The following FSTL5 variants were observed in gnomAD, a reference collection of about 807,000 sequenced individuals.
FSTL5 encodes follistatin like 5, also known as follistatin-related protein 5.
Under a neutral mutation model 89.1 loss-of-function variants are expected in FSTL5, and 62 were observed. The ratio of observed to expected loss-of-function variants is 0.70; its 90% CI spans 0.57 to 0.86. FSTL5 has a LOEUF of 0.86. Among genes scored for constraint, FSTL5 ranks in the 40% least tolerant of loss-of-function variants. The pLI is 0.00. For synonymous variants in FSTL5, 383 were observed against 346.2 expected, an observed-to-expected ratio of 1.11 and a Z score of -1.18; for missense variants, 1,057 against 1,001.6, an observed-to-expected ratio of 1.06 and a Z score of -0.75.
chr4:161,685,795 T>C (rs1161219743), intron 6 of FSTL5, among the ~76,000 whole-genome samples: 2 of 152,142 alleles, frequency 1.3e-5, no homozygotes, highest in Admixed American at 1.3e-4. Context: ...TCCAGTACTA[T>C]ATTGAAGAGG....
intron 6 of FSTL5, among the ~76,000 whole-genome samples, chr4:161,717,993 A>T (rs1381746850): frequency 6.6e-6 from 1 of 152,208 alleles, no homozygotes; most frequent in Non-Finnish European, 1.5e-5. Context: ...GGAGTCAAAA[A>T]GAAAAAGTTA....
intron 4 of FSTL5, among the ~76,000 whole-genome samples, chr4:161,779,625 C>T (rs190023288): frequency 2.8e-3 from 419 of 151,286 alleles, no homozygotes; most frequent in Non-Finnish European, 4.1e-3. Flanking sequence ...ACATATGTGC[C>T]ATATCTCCCT....
rs1579194483 is a variant in FSTL5 at position 161,920,563 on chromosome 4, G to C, written c.250C>G (p.Gln84Glu). 6.2e-7 allele frequency: 1 copy of C among 1,613,840 alleles called. No individual in the cohort carries two copies. Among genetic ancestry groups the C allele is most frequent in the Non-Finnish European group, 8.5e-7 (1 of 1,179,922 alleles). Residue 84 changes from glutamine to glutamate, a missense_variant, in exon 4 of 16, where the codon CAA becomes GAA. By Grantham distance (29) the Gln-to-Glu change is conservative. Transcript: ENST00000306100. ...AGGTCCATACAGGCACATTCTGCTT[G>C]CCCTGTCTCTCTGCTGGTAACACAG... is the stretch of plus-strand genomic sequence containing the variant. ...RHCVTSRETG[Q>E]AECACMDLCK...
chr4:161,532,448 C>T (rs1476058426), intron 10 of FSTL5, among the ~76,000 whole-genome samples: 1 of 152,144 alleles, frequency 6.6e-6, no homozygotes, highest in African/African-American at 2.4e-5. Context: ...TCAGTTACAA[C>T]AATTTGCTTT....
chr4:161,665,897 A>G (rs182010151), intron 6 of FSTL5, among the ~76,000 whole-genome samples: 5 of 152,150 alleles, frequency 3.3e-5, no homozygotes, highest in African/African-American at 1.2e-4. Flanking sequence ...GAAGAAGAAG[A>G]AAAAGCATTT....
intron 10 of FSTL5, among the ~76,000 whole-genome samples, chr4:161,522,291 T>G (rs958488397): frequency 1.3e-5 from 2 of 152,174 alleles, no homozygotes; most frequent in African/African-American, 4.8e-5. Flanking sequence ...TGTAGCCAAC[T>G]GTGGCTGTGG....
intron 7 of FSTL5, among the ~76,000 whole-genome samples, chr4:161,652,479 T>C (rs920216125): frequency 6.6e-6 from 1 of 152,014 alleles, no homozygotes; most frequent in Non-Finnish European, 1.5e-5. Context: ...TAAATGGGCA[T>C]AAGATTCCCT....
At chr4:162,058,969 C>T (rs1018943609) in intron 2 of FSTL5, among the ~76,000 whole-genome samples, 2 of 151,992 alleles carry the variant, frequency 1.3e-5, no homozygotes, top group Non-Finnish European at 1.5e-5. Context: ...TAATTCTTTA[C>T]CCTTGGACTA....
chr4:162,126,892 A>G (rs897040816), intron 1 of FSTL5, among the ~76,000 whole-genome samples: 1 of 151,940 alleles, frequency 6.6e-6, no homozygotes, highest in Non-Finnish European at 1.5e-5. Context: ...TTTTAAGTCT[A>G]CCTCCAATGC....
At chr4:161,895,380 T>C (rs1733122844) in intron 4 of FSTL5, among the ~76,000 whole-genome samples, 1 of 152,198 alleles carries the variant, frequency 6.6e-6, no homozygotes, top group Admixed American at 6.5e-5. Flanking sequence ...TATTTAGGAT[T>C]CACATTTAAC....
At chr4:161,392,332 A>C (rs1730847856) in intron 15 of FSTL5, among the ~76,000 whole-genome samples, 1 of 151,838 alleles carries the variant, frequency 6.6e-6, no homozygotes, top group Non-Finnish European at 1.5e-5. Flanking sequence ...GGCTCAAGGG[A>C]ATCCCTGCCT....
intron 2 of FSTL5, among the ~76,000 whole-genome samples, chr4:162,060,008 C>A (rs1207332871): frequency 6.6e-6 from 1 of 152,152 alleles, no homozygotes; most frequent in Non-Finnish European, 1.5e-5. Flanking sequence ...TTCTGTCTAA[C>A]ATATCTTAAA....
intron 3 of FSTL5, among the ~76,000 whole-genome samples, chr4:161,945,638 G>A (rs1381910350): frequency 1.3e-5 from 2 of 152,194 alleles, no homozygotes; most frequent in Non-Finnish European, 2.9e-5. Context: ...TGTAGTCCCA[G>A]CTACTGGGAA....
rs187915045 is a variant in FSTL5 at position 161,492,554 on chromosome 4, G to A, written c.1458+7462C>T. Reference sequence around the variant, plus strand: ...GTTTTCTAAAATTAAAAAATAGGTAGATAGCATAGCTCATGGTACAACTAT... The same window carrying A: ...GTTTTCTAAAATTAAAAAATAGGTAAATAGCATAGCTCATGGTACAACTAT... On this transcript the variant is annotated intron_variant, in intron 12 of 15. Transcript: ENST00000306100. Among the ~76,000 whole-genome samples, 614 of 152,202 alleles carry A rather than the reference G, an allele frequency of 4.0e-3. 5 individuals are homozygous for A. The highest frequency in any genetic ancestry group is 0.014 in the African/African-American group (595 of 41,544).
At chr4:161,584,127 ATAT>A (rs747879799) in intron 8 of FSTL5, among the ~76,000 whole-genome samples, 2 of 152,170 alleles carry the variant, frequency 1.3e-5, no homozygotes, top group Non-Finnish European at 2.9e-5. Context: ...CACCAACTAC[ATAT>A]TATTATTTCA....
intron 6 of FSTL5, among the ~76,000 whole-genome samples, chr4:161,682,527 G>A (rs568886745): frequency 2.7e-4 from 41 of 151,642 alleles, no homozygotes; most frequent in African/African-American, 3.6e-4. Context: ...TTTAAAATTC[G>A]GAAAACTTTT....
chr4:161,444,070 A>G (rs1432957530), intron 15 of FSTL5, among the ~76,000 whole-genome samples: 1 of 152,046 alleles, frequency 6.6e-6, no homozygotes, highest in Non-Finnish European at 1.5e-5. Context: ...GGAGTATTAT[A>G]TCATTCTAGA....
In FSTL5 at chr4:161,469,358, C is replaced by T. The variant is rs115252459; in HGVS notation, c.1609-10039G>A. ...GAGTTACTTCCACATGATAATTCTA[C>T]TTTTAATTTTTTAAATAACCACCAG... On this transcript the variant is annotated intron_variant, in intron 13 of 15. Coordinates refer to ENST00000306100, the MANE Select transcript of FSTL5 (RefSeq NM_020116.5). Among the ~76,000 whole-genome samples the T allele has an allele frequency of 3.4e-3, 522 of 152,270 alleles. 3 individuals are homozygous for T. The highest frequency in any genetic ancestry group is 0.011 in the African/African-American group (471 of 41,558).
intron 3 of FSTL5, among the ~76,000 whole-genome samples, chr4:161,947,478 C>T (rs1336689970): frequency 1.3e-5 from 2 of 152,088 alleles, no homozygotes; most frequent in Admixed American, 1.3e-4. Flanking sequence ...CTTCCCCAGA[C>T]ATATGTGTTT....
Sources: gnomAD v4.1 joint callset for allele counts (sites outside exome capture counted in the v4.1 genomes callset) on GRCh38, gnomAD v4.1.1 for gene constraint, MANE v1.5 for transcripts, NCBI Gene and HGNC (gene_info 2026-07-23, HGNC 2026-07-21) for gene names.